The following GABRG3 variants were observed in gnomAD, a reference collection of about 807,000 sequenced individuals.
GABRG3 encodes the protein gamma-aminobutyric acid receptor subunit gamma-3.
Under a neutral mutation model 48.8 loss-of-function variants are expected in GABRG3, and 25 were observed. That is an observed-to-expected ratio of 0.51 (90% CI 0.37 to 0.72). GABRG3 has a LOEUF of 0.72. Ranked by LOEUF, GABRG3 falls within the 30% of genes least tolerant of loss-of-function variation. GABRG3 has a pLI of 0.00. For missense variants in GABRG3, 394 were observed against 577.9 expected (o/e 0.68, Z 3.26); for synonymous variants, 227 against 217.6 (o/e 1.04, Z -0.38).
rs1274624904 is a variant in GABRG3, at chr15:27,319,211, A to G, written c.271-7598A>G. ...TTTTATTTGTCAATTCTAGCTCAGTAAAGCCAGGGGGAAAAAAATGTCTGA... is the reference window on the plus strand; with the variant it reads ...TTTTATTTGTCAATTCTAGCTCAGTGAAGCCAGGGGGAAAAAAATGTCTGA... On this transcript the variant is annotated intron_variant, in intron 3 of 9. Coordinates refer to ENST00000615808, the MANE Select transcript of GABRG3 (RefSeq NM_033223.5). This position sits in a 1 kb window ranked among gnomAD's most constrained non-coding sequence, Gnocchi z 4.4. Among the ~76,000 whole-genome samples the G allele has an allele frequency of 6.6e-6, 1 of 152,192 alleles. No individual in the cohort carries two copies. The highest frequency in any genetic ancestry group is 1.5e-5 in the Non-Finnish European group (1 of 68,036).
intron 3 of GABRG3, among the ~76,000 whole-genome samples, chr15:27,031,452 G>A (rs547419192): frequency 2.6e-5 from 4 of 151,938 alleles, no homozygotes; most frequent in South Asian, 2.1e-4. Context: ...TTTTTCCTTC[G>A]TTTTAAAAAG....
intron 3 of GABRG3, among the ~76,000 whole-genome samples, chr15:27,250,528 G>A (rs944575653): frequency 1.3e-5 from 2 of 152,110 alleles, no homozygotes; most frequent in Non-Finnish European, 2.9e-5. Context: ...CTGGGCTCAA[G>A]CGATTCTCCT....
intron 3 of GABRG3, among the ~76,000 whole-genome samples, chr15:27,055,989 T>A (rs1422271506): frequency 6.6e-6 from 1 of 152,160 alleles, no homozygotes; most frequent in Non-Finnish European, 1.5e-5. Context: ...TCTGCAGTGA[T>A]CAACTCAAGG....
rs550819892 is a variant in GABRG3, at chr15:27,319,294, G to A, written c.271-7515G>A. Among the ~76,000 whole-genome samples, 1 of 152,258 alleles carries A rather than the reference G, an allele frequency of 6.6e-6. No individual in the cohort carries two copies. Among genetic ancestry groups the A allele is most frequent in the African/African-American group, 2.4e-5 (1 of 41,560 alleles). ...TGCTCTCTTGATGATGTGGATGGGT[G>A]GCTCTTCTTAGTTCCTATCTGTAGA... On this transcript the variant is annotated intron_variant, in intron 3 of 9. Transcript: ENST00000615808. This position sits in a 1 kb window ranked among gnomAD's most constrained non-coding sequence, Gnocchi z 4.4.
chr15:27,072,274 C>G (rs116764120), intron 3 of GABRG3, among the ~76,000 whole-genome samples: 1 of 152,172 alleles, frequency 6.6e-6, no homozygotes, highest in Admixed American at 6.5e-5. Context: ...CCAGTCCACT[C>G]GGTAACATTG....
chr15:27,077,352 C>A (rs1896926523), intron 3 of GABRG3, among the ~76,000 whole-genome samples: 1 of 152,184 alleles, frequency 6.6e-6, no homozygotes, highest in African/African-American at 2.4e-5. Context: ...TCCCCATGCA[C>A]CCAGGGTTTG....
intron 3 of GABRG3, among the ~76,000 whole-genome samples, chr15:27,053,692 A>G (rs189175372): frequency 5.9e-5 from 9 of 152,360 alleles, no homozygotes; most frequent in East Asian, 1.9e-4. Context: ...CTGCACCACT[A>G]TTCACAATAG....
In GABRG3 at chr15:27,322,691, A is replaced by G. The variant is rs79260395; in HGVS notation, c.271-4118A>G. On this transcript the variant is annotated intron_variant, in intron 3 of 9. Coordinates refer to ENST00000615808, the MANE Select transcript of GABRG3 (RefSeq NM_033223.5). ...CTAAGGAAGGTAAATGATGTCGCAC[A>G]GTTTATGAACAGTGTAAATGTGGAG... 6.2e-3 allele frequency among the ~76,000 whole-genome samples: 947 copies of G among 152,334 alleles called. 8 individuals are homozygous for G. The highest frequency in any genetic ancestry group is 0.029 in the Admixed American group (443 of 15,296).
intron 3 of GABRG3, among the ~76,000 whole-genome samples, chr15:27,138,112 TC>T (rs1310219810): frequency 6.6e-6 from 1 of 152,212 alleles, no homozygotes; most frequent in Non-Finnish European, 1.5e-5. Flanking sequence ...TAATCCTATT[TC>T]CCAGTGGCAA....
intron 3 of GABRG3, among the ~76,000 whole-genome samples, chr15:27,046,304 A>G (rs1896364762): frequency 6.7e-6 from 1 of 148,276 alleles, no homozygotes; most frequent in Non-Finnish European, 1.5e-5. Flanking sequence ...TGGTTTCTCC[A>G]TGTTTGTCAG....
At chr15:27,039,856 CT>C (rs1896244326) in intron 3 of GABRG3, among the ~76,000 whole-genome samples, 1 of 152,240 alleles carries the variant, frequency 6.6e-6, no homozygotes, top group African/African-American at 2.4e-5. Context: ...CCATCCACCC[CT>C]ATTGCCCCTG....
chr15:27,306,692 G>A (rs1349619383), intron 3 of GABRG3, among the ~76,000 whole-genome samples: 8 of 103,306 alleles, frequency 7.7e-5, no homozygotes, highest in African/African-American at 3.3e-4. Flanking sequence ...ATATGAACAT[G>A]TTTATATATA....
At chr15:27,316,215 G>A (rs1459422600) in intron 3 of GABRG3, among the ~76,000 whole-genome samples, 2 of 151,790 alleles carry the variant, frequency 1.3e-5, no homozygotes, top group African/African-American at 4.8e-5. Flanking sequence ...GTGAAACCCC[G>A]TCTCTACTAA....
chr15:27,162,030 T>C (rs896428159), intron 3 of GABRG3, among the ~76,000 whole-genome samples: 1 of 152,050 alleles, frequency 6.6e-6, no homozygotes, highest in African/African-American at 2.4e-5. Context: ...ATTTTATTTA[T>C]AAAAGTGAAG....
chr15:27,366,456 T>C (rs1895202484), intron 5 of GABRG3: 1 of 152,218 alleles, frequency 6.6e-6, no homozygotes, highest in South Asian at 2.1e-4. Flanking sequence ...TCATGGATTC[T>C]TGTGTGTTAG....
At chr15:26,998,266 T>A (rs962008998) in intron 2 of GABRG3, among the ~76,000 whole-genome samples, 2 of 152,236 alleles carry the variant, frequency 1.3e-5, no homozygotes, top group Non-Finnish European at 2.9e-5. Flanking sequence ...AGAGCTTTGT[T>A]GTTTTCAACA....
chr15:27,531,921 A>G (rs1891432514), intron 9 of GABRG3, among the ~76,000 whole-genome samples: 1 of 152,178 alleles, frequency 6.6e-6, no homozygotes, highest in South Asian at 2.1e-4. Flanking sequence ...AGGTGGGCAC[A>G]TTTTTGGTTA....
Position 27,236,144 on chromosome 15 carries a change from C to G in GABRG3, c.271-90665C>G, listed in dbSNP as rs929065009. On this transcript the variant is annotated intron_variant, in intron 3 of 9. Coordinates refer to ENST00000615808, the MANE Select transcript of GABRG3 (RefSeq NM_033223.5). The surrounding 1 kb of genome is among the most constrained non-coding windows in gnomAD (Gnocchi z 4.4). ...CCTGAGCCCCATCAGATCCATGGTA[C>G]AGACCCAGAACACTTTTCTGTAAAC... Among the ~76,000 whole-genome samples, 4 of 152,140 alleles carry G rather than the reference C, an allele frequency of 2.6e-5. No homozygotes were observed. The highest frequency in any genetic ancestry group is 5.9e-5 in the Non-Finnish European group (4 of 68,040).
Position 27,179,010 on chromosome 15 carries a change from C to A in GABRG3, c.271-147799C>A, listed in dbSNP as rs1024027302. On this transcript the variant is annotated intron_variant, in intron 3 of 9. Transcript: ENST00000615808. This position sits in a 1 kb window ranked among gnomAD's most constrained non-coding sequence, Gnocchi z 4.0. Reference sequence around the variant, plus strand: ...GGAAGAGGGATTCTTGTTTCTATGGCAGCCTCAGAGGAGAATGGGACTGAG... The same window carrying A: ...GGAAGAGGGATTCTTGTTTCTATGGAAGCCTCAGAGGAGAATGGGACTGAG... Among the ~76,000 whole-genome samples, 2 of 152,144 alleles carry A rather than the reference C, an allele frequency of 1.3e-5. No individual in the cohort carries two copies.
Sources: gnomAD v4.1 joint callset for allele counts (sites outside exome capture counted in the v4.1 genomes callset) on GRCh38, gnomAD v4.1.1 for gene constraint, Gnocchi (gnomAD v3.1) non-coding constraint, MANE v1.5 for transcripts, NCBI Gene and HGNC (gene_info 2026-07-23, HGNC 2026-07-21) for gene names.